The following MAP4K3 variants were observed in gnomAD, a reference collection of about 807,000 sequenced individuals.
MAP4K3 encodes the protein mitogen-activated protein kinase kinase kinase kinase 3.
MAP4K3 carries 94 observed loss-of-function variants against 143.5 expected under a neutral mutation model. The observed-to-expected ratio is 0.65, with a 90% CI of 0.55 to 0.78. The LOEUF (loss-of-function observed/expected upper bound fraction) is 0.78. MAP4K3 is among the 30% of genes least tolerant of loss of function. The probability of loss-of-function intolerance (pLI) is 0.00; values close to 1 mark genes in which losing one functional copy is unlikely to be tolerated. For synonymous variants in MAP4K3, 416 were observed against 347.2 expected (o/e 1.20, Z -2.20); for missense variants, 1,077 against 1,068.1 (o/e 1.01, Z -0.12).
intron 24 of MAP4K3, among the ~76,000 whole-genome samples, chr2:39,273,811 C>A (rs1223909202): frequency 1.3e-5 from 2 of 152,172 alleles, no homozygotes; most frequent in Non-Finnish European, 2.9e-5. Context: ...GAGAAGTTAT[C>A]AACATCCATT....
intron 13 of MAP4K3, among the ~76,000 whole-genome samples, chr2:39,310,127 A>T (rs1460291260): frequency 1.3e-5 from 2 of 152,176 alleles, no homozygotes; most frequent in Non-Finnish European, 2.9e-5. Flanking sequence ...AACATTCCAA[A>T]TCTTCTATTT....
chr2:39,434,774 T>C (rs2148642328), intron 1 of MAP4K3, among the ~76,000 whole-genome samples: 1 of 152,372 alleles, frequency 6.6e-6, no homozygotes, highest in Non-Finnish European at 1.5e-5. Flanking sequence ...GAGTTAACAA[T>C]AGCACCTATC....
chr2:39,413,062 T>C (rs934010545), intron 1 of MAP4K3, among the ~76,000 whole-genome samples: 1 of 152,226 alleles, frequency 6.6e-6, no homozygotes, highest in Non-Finnish European at 1.5e-5. Context: ...CAACAAAGGA[T>C]TATAAAATGT....
At chr2:39,406,246 T>C (rs1265756128) in intron 1 of MAP4K3, among the ~76,000 whole-genome samples, 3 of 151,828 alleles carry the variant, frequency 2.0e-5, no homozygotes, top group African/African-American at 7.3e-5. Flanking sequence ...GAAAAAAGCC[T>C]CCAAAGGACA....
intron 3 of MAP4K3, among the ~76,000 whole-genome samples, chr2:39,347,629 TTGTAG>T (rs1482704324): frequency 2.0e-5 from 3 of 152,134 alleles, no homozygotes; most frequent in Non-Finnish European, 2.9e-5. Context: ...TTAAATTAAC[TTGTAG>T]TGTAGTGTAG....
chr2:39,381,805 C>T (rs1237936681), intron 1 of MAP4K3, among the ~76,000 whole-genome samples: 1 of 152,190 alleles, frequency 6.6e-6, no homozygotes, highest in African/African-American at 2.4e-5. Context: ...TGCTATTCCC[C>T]AGAGCCATCC....
At chr2:39,388,251 G>A (rs1666562869) in intron 1 of MAP4K3, among the ~76,000 whole-genome samples, 1 of 152,144 alleles carries the variant, frequency 6.6e-6, no homozygotes, top group Admixed American at 6.5e-5. Context: ...ACCCCAATGT[G>A]CGTAAACACC....
intron 1 of MAP4K3, among the ~76,000 whole-genome samples, chr2:39,403,945 G>A (rs565656836): frequency 6.6e-6 from 1 of 151,446 alleles, no homozygotes; most frequent in African/African-American, 2.4e-5. Flanking sequence ...CCAGGCCCTA[G>A]CTCCCAGATA....
At chr2:39,276,226 A>G (rs144300700) in intron 24 of MAP4K3, among the ~76,000 whole-genome samples, 3 of 152,264 alleles carry the variant, frequency 2.0e-5, no homozygotes, top group Non-Finnish European at 4.4e-5. Flanking sequence ...AAGGCACCCC[A>G]AACTCAGTAT....
chr2:39,339,568 A>T (rs933097949), intron 4 of MAP4K3, among the ~76,000 whole-genome samples: 6 of 152,200 alleles, frequency 3.9e-5, no homozygotes, highest in African/African-American at 1.4e-4. Flanking sequence ...TGGGTACAGA[A>T]GACAAGGCCC....
At chr2:39,271,639 T>G (rs1681029561) in intron 26 of MAP4K3, among the ~76,000 whole-genome samples, 1 of 152,216 alleles carries the variant, frequency 6.6e-6, no homozygotes, top group Non-Finnish European at 1.5e-5. Context: ...TTAGCCAGGC[T>G]GGAGTGTAGT....
At chr2:39,384,035 G>C (rs1465306612) in intron 1 of MAP4K3, among the ~76,000 whole-genome samples, 1 of 151,452 alleles carries the variant, frequency 6.6e-6, no homozygotes, top group African/African-American at 2.4e-5. Flanking sequence ...GATCAATTGA[G>C]CCCAAGAGAT....
At chr2:39,319,882 A>G (rs1421827448) in intron 12 of MAP4K3, among the ~76,000 whole-genome samples, 1 of 152,236 alleles carries the variant, frequency 6.6e-6, no homozygotes, top group Non-Finnish European at 1.5e-5. Flanking sequence ...TATGAAAGCT[A>G]GTGTATTCAA....
intron 8 of MAP4K3, among the ~76,000 whole-genome samples, chr2:39,328,097 G>A (rs533269971): frequency 7.2e-5 from 11 of 152,296 alleles, no homozygotes; most frequent in East Asian, 5.8e-4. Flanking sequence ...TTGGGAGGCC[G>A]AGGCAGGTGG....
At chr2:39,342,494 CTTTA>C (rs1665172901) in intron 4 of MAP4K3, among the ~76,000 whole-genome samples, 1 of 152,066 alleles carries the variant, frequency 6.6e-6, no homozygotes. Context: ...AGCTTATTTT[CTTTA>C]TTAAGTTTTC....
At chr2:39,419,378 A>G (rs531069706) in intron 1 of MAP4K3, among the ~76,000 whole-genome samples, 32 of 152,272 alleles carry the variant, frequency 2.1e-4, no homozygotes, top group Non-Finnish European at 3.2e-4. Flanking sequence ...AGTTTATTTA[A>G]ATTTCACCTT....
chr2:39,361,391 A>G (rs1665766767), intron 2 of MAP4K3, among the ~76,000 whole-genome samples: 1 of 152,080 alleles, frequency 6.6e-6, no homozygotes, highest in Admixed American at 6.6e-5. Flanking sequence ...AGACTCTTTC[A>G]ATATAAATGA....
chr2:39,429,499 T>G (rs1384066733), intron 1 of MAP4K3, among the ~76,000 whole-genome samples: 1 of 152,164 alleles, frequency 6.6e-6, no homozygotes. Flanking sequence ...ACTGGTGAAA[T>G]CTGACTAAAG....
intron 8 of MAP4K3, among the ~76,000 whole-genome samples, chr2:39,328,268 T>G (rs1683558450): frequency 6.6e-6 from 1 of 151,996 alleles, no homozygotes; most frequent in Admixed American, 6.6e-5. Flanking sequence ...GAAGTAGAGG[T>G]TGCAGTGAGC....
Sources: allele counts gnomAD v4.1 joint callset (sites outside exome capture counted in the v4.1 genomes callset), GRCh38; gene constraint gnomAD v4.1.1; transcripts MANE v1.5; gene names NCBI Gene and HGNC (gene_info 2026-07-23, HGNC 2026-07-21).